Variants in PIK3C2A observed in about 807,000 individuals in gnomAD.
PIK3C2A encodes the protein phosphatidylinositol 4-phosphate 3-kinase C2 domain-containing subunit alpha.
Under a neutral mutation model 204.5 loss-of-function variants are expected in PIK3C2A, and 97 were observed. That is an observed-to-expected ratio of 0.47 (90% confidence interval 0.40 to 0.56). PIK3C2A has a LOEUF of 0.56. Among genes scored for constraint, PIK3C2A ranks in the 20% least tolerant of loss-of-function variants. PIK3C2A has a pLI of 0.00. For missense variants in PIK3C2A, 1,735 were observed against 1,969.2 expected, an observed-to-expected ratio of 0.88 and a Z score of 2.25; for synonymous variants, 653 against 664.4, an observed-to-expected ratio of 0.98 and a Z score of 0.26.
intron 32 of PIK3C2A, 100 bp downstream of exon 32, chr11:17,091,234 G>T (rs1249519835): frequency 1.9e-6 from 2 of 1,029,346 alleles, no homozygotes; most frequent in East Asian, 2.5e-5. Context: ...GTTTAGCTAT[G>T]TAACAAACTT....
At chr11:17,120,287 G>A (rs1170072288) in intron 15 of PIK3C2A, among the ~76,000 whole-genome samples, 1 of 151,622 alleles carries the variant, frequency 6.6e-6, no homozygotes, top group Non-Finnish European at 1.5e-5. Context: ...TGAAAAAGCA[G>A]ATCCCACCCT....
intron 24 of PIK3C2A, 22 bp downstream of exon 24, chr11:17,102,640 G>T: frequency 6.4e-7 from 1 of 1,556,364 alleles, no homozygotes; most frequent in Non-Finnish European, 8.7e-7. Flanking sequence ...TCATTTCTTT[G>T]GCAACAGCAA....
chr11:17,156,563 T>G (rs544399703), intron 2 of PIK3C2A, among the ~76,000 whole-genome samples: 1 of 152,066 alleles, frequency 6.6e-6, no homozygotes, highest in East Asian at 1.9e-4. Flanking sequence ...TTGTATTTTT[T>G]GTAGAGTCGG....
intron 22 of PIK3C2A, 79 bp from the exon 23 acceptor site, chr11:17,105,384 C>A (rs1848777113): frequency 1.6e-6 from 2 of 1,219,374 alleles, no homozygotes; most frequent in African/African-American, 1.6e-5. Flanking sequence ...ATTATTATTA[C>A]TTTTTAAATT....
At chr11:17,111,882 C>CAAAAAAAAAAAAAAAAAAA (rs201931743) in intron 21 of PIK3C2A, among the ~76,000 whole-genome samples, 1 of 31,426 alleles carries the variant, frequency 3.2e-5, no homozygotes, top group African/African-American at 1.2e-4. Flanking sequence ...GTCTCCAAAA[C>CAAAAAAAAAAAAAAAAAAA]AAAAAAAAAA....
At chr11:17,155,736 G>T in intron 2 of PIK3C2A, 107 bp from the exon 3 acceptor site, 1 of 555,374 alleles carries the variant, frequency 1.8e-6, no homozygotes, top group Non-Finnish European at 3.3e-6. Context: ...AAGCAATGGA[G>T]GTAAAATAAA....
At position 17,122,267 on chromosome 11, in the gene PIK3C2A, G is replaced by T; in HGVS notation, c.2578C>A (p.Gln860Lys). ...TCTAGTGTTTCTAAGTTATGTTGCT[G>T]TATAATGCTTCTGTCAACTTGAGGA... ...TTPQVDRSII[Q>K]QHNLETLEND... is the part of the protein sequence containing the mutation. The change falls in exon 15 of 33, where the codon CAG (glutamine) becomes AAG (lysine). Residue 860 changes from glutamine (Q) to lysine (K), a missense_variant. Physicochemically the swap from Gln to Lys is moderately conservative, Grantham distance 53 (BLOSUM62 1). This residue lies in a region of PIK3C2A where 567 missense variants were observed against 576.0 expected (regional missense o/e 0.98). Coordinates refer to ENST00000691414, the MANE Select transcript of PIK3C2A (RefSeq NM_002645.4). 2 of 1,520,638 alleles carry T rather than the reference G, an allele frequency of 1.3e-6. No individual in the cohort carries two copies. The highest frequency in any genetic ancestry group is 1.8e-6 in the Non-Finnish European group (2 of 1,097,280). 94.2% of individuals were successfully genotyped at this position (1,520,638 alleles called of 1,614,324 possible).
intron 23 of PIK3C2A, among the ~76,000 whole-genome samples, chr11:17,103,402 C>T (rs1285717190): frequency 6.6e-6 from 1 of 152,094 alleles, no homozygotes; most frequent in East Asian, 1.9e-4. Flanking sequence ...TACAGCAAGA[C>T]ACATACAATG....
At position 17,135,040 on chromosome 11, in the gene PIK3C2A, G is replaced by C; in HGVS notation, c.1898-11C>G. 2 of 1,603,124 alleles carry C rather than the reference G, an allele frequency of 1.2e-6. No individual in the cohort carries two copies. On this transcript the variant is annotated splice_polypyrimidine_tract_variant and intron_variant, in intron 10 of 32. Coordinates refer to ENST00000691414, the MANE Select transcript of PIK3C2A (RefSeq NM_002645.4). ...CAGGATTAAGTGAGCCTAGATTAAA[G>C]AAAAAAAAAGTTAATAGATTCTCTG...
At chr11:17,206,018 G>A (rs1852560660) in intron 1 of PIK3C2A, among the ~76,000 whole-genome samples, 1 of 152,158 alleles carries the variant, frequency 6.6e-6, no homozygotes, top group Admixed American at 6.5e-5. Flanking sequence ...AGCTACTCAG[G>A]AGGCTGAGGC....
At chr11:17,180,183 G>A (rs917701460) in intron 1 of PIK3C2A, among the ~76,000 whole-genome samples, 5 of 152,006 alleles carry the variant, frequency 3.3e-5, no homozygotes, top group Non-Finnish European at 7.4e-5. Context: ...ACCAAGCCTG[G>A]GCAATGTGGT....
intron 8 of PIK3C2A, among the ~76,000 whole-genome samples, chr11:17,139,558 C>T (rs546325918): frequency 2.6e-5 from 4 of 152,136 alleles, no homozygotes; most frequent in South Asian, 4.1e-4. Flanking sequence ...GTACAATTTC[C>T]GTCTCCTGGC....
chr11:17,121,976 A>C (rs995098247), intron 15 of PIK3C2A, among the ~76,000 whole-genome samples: 4 of 151,650 alleles, frequency 2.6e-5, no homozygotes, highest in Admixed American at 1.3e-4. Flanking sequence ...ATATAATTTT[A>C]AAAATAACTT....
At chr11:17,141,259 T>C (rs974968139) in intron 8 of PIK3C2A, 1 of 150,498 alleles carries the variant, frequency 6.6e-6, no homozygotes, top group African/African-American at 2.5e-5. Flanking sequence ...TTTTGCTTTC[T>C]GCTCTTCTTT....
intron 2 of PIK3C2A, among the ~76,000 whole-genome samples, chr11:17,159,747 T>C (rs1354370221): frequency 1.3e-5 from 2 of 152,222 alleles, no homozygotes; most frequent in Non-Finnish European, 2.9e-5. Flanking sequence ...ATATATGGAA[T>C]GGCTTATGCA....
intron 21 of PIK3C2A, among the ~76,000 whole-genome samples, chr11:17,111,099 G>T (rs1167443095): frequency 1.3e-5 from 2 of 151,904 alleles, no homozygotes; most frequent in Non-Finnish European, 2.9e-5. Context: ...GTAGAGATGG[G>T]GTTTCACCAC....
At chr11:17,176,481 T>TA (rs1367366106) in intron 1 of PIK3C2A, among the ~76,000 whole-genome samples, 28 of 147,030 alleles carry the variant, frequency 1.9e-4, no homozygotes, top group East Asian at 4.0e-4. Flanking sequence ...TTTTAAAAAT[T>TA]AAAAAAAAAA....
intron 3 of PIK3C2A, among the ~76,000 whole-genome samples, chr11:17,152,752 T>C (rs1433547150): frequency 1.3e-5 from 2 of 152,196 alleles, no homozygotes; most frequent in Non-Finnish European, 2.9e-5. Context: ...TTATGGTTTA[T>C]TTTTCTACTT....
intron 2 of PIK3C2A, among the ~76,000 whole-genome samples, chr11:17,161,215 A>G (rs1379762366): frequency 6.6e-6 from 1 of 152,248 alleles, no homozygotes; most frequent in Non-Finnish European, 1.5e-5. Context: ...CAAGTTTTCA[A>G]TAAATGCACT....
Sources: gnomAD v4.1 joint callset for allele counts (sites outside exome capture counted in the v4.1 genomes callset) on GRCh38, gnomAD v4.1.1 for gene constraint, gnomAD v4.1.1 regional missense constraint, MANE v1.5 for transcripts, NCBI Gene and HGNC (gene_info 2026-07-23, HGNC 2026-07-21) for gene names.